CABLES1: variants seen among roughly 807,000 people sequenced by gnomAD.
CABLES1 encodes the protein CDK5 and ABL1 enzyme substrate 1.
CABLES1 carries 36 observed loss-of-function variants against 57.8 expected under a neutral mutation model. The observed-to-expected ratio is 0.62, with a 90% confidence interval of 0.48 to 0.82. The LOEUF is 0.82. Among genes scored for constraint, CABLES1 ranks in the 40% least tolerant of loss-of-function variants. The pLI is 0.00. For missense variants in CABLES1, 767 were observed against 836.6 expected (o/e 0.92, Z 1.03); for synonymous variants, 374 against 363.0 (o/e 1.03, Z -0.35).
chr18:23,237,669 CAG>C (rs1436707832), intron 7 of CABLES1, among the ~76,000 whole-genome samples: 2 of 152,256 alleles, frequency 1.3e-5, no homozygotes, highest in Admixed American at 1.3e-4. Flanking sequence ...CTGGGGATGA[CAG>C]AATTCTCTCC....
At chr18:23,252,758 T>C (rs2289014) in intron 7 of CABLES1, among the ~76,000 whole-genome samples, 1 of 152,180 alleles carries the variant, frequency 6.6e-6, no homozygotes, top group Non-Finnish European at 1.5e-5. Context: ...ATCCTAATAG[T>C]GGTGACTTGT....
Position 23,135,972 on chromosome 18 carries a change from C to G in CABLES1, c.210C>G (p.Thr70=). The G allele has an allele frequency of 8.8e-7, 1 of 1,140,336 alleles. No homozygotes were observed. The allele number at this position is 1,140,336 out of a possible 1,614,324, so 70.6% of individuals were successfully genotyped here. A position where few individuals can be genotyped will look rare whatever the true frequency, so the allele number is the denominator to read the frequency against. ...RRRQAALSFL[T]NISLDGRLPP... is the part of the protein sequence containing the mutation. ...GCCAGGCTGCCCTCTCCTTCCTCAC[C>G]AACATCTCGCTGGACGGCCGGCTGC... is the stretch of plus-strand genomic sequence containing the variant. The change falls in exon 1 of 10, where the codon ACC becomes ACG. Residue 70 remains threonine (T), a synonymous_variant. Transcript: ENST00000256925.
At chr18:23,153,435 T>TA (rs1479607067) in intron 1 of CABLES1, among the ~76,000 whole-genome samples, 3 of 151,564 alleles carry the variant, frequency 2.0e-5, no homozygotes, top group African/African-American at 4.8e-5. Flanking sequence ...CACAACAATT[T>TA]AAAAAAAATA....
chr18:23,144,933 T>C (rs2046882060), intron 1 of CABLES1, among the ~76,000 whole-genome samples: 1 of 149,608 alleles, frequency 6.7e-6, no homozygotes, highest in Non-Finnish European at 1.5e-5. Flanking sequence ...TTTTTTTTTT[T>C]CTTTCTTTTT....
intron 5 of CABLES1, among the ~76,000 whole-genome samples, chr18:23,235,125 G>A (rs915404353): frequency 3.9e-5 from 6 of 152,174 alleles, no homozygotes; most frequent in African/African-American, 7.2e-5. Flanking sequence ...AGAGCCCCAG[G>A]GCGGTCACAT....
chr18:23,204,974 A>G (rs546043953), intron 3 of CABLES1, among the ~76,000 whole-genome samples: 12 of 152,204 alleles, frequency 7.9e-5, no homozygotes, highest in Non-Finnish European at 1.6e-4. Flanking sequence ...CCCTATCGGC[A>G]GTTCTGTTTT....
chr18:23,254,932 T>G (rs908523735), intron 9 of CABLES1, among the ~76,000 whole-genome samples: 1 of 152,164 alleles, frequency 6.6e-6, no homozygotes, highest in Admixed American at 6.6e-5. Context: ...GGGCTGTGTA[T>G]GGAAGCCCTG....
intron 1 of CABLES1, among the ~76,000 whole-genome samples, chr18:23,166,333 G>A (rs2047042474): frequency 6.6e-6 from 1 of 151,810 alleles, no homozygotes; most frequent in Non-Finnish European, 1.5e-5. Context: ...CTCCCAAGTA[G>A]CTGGGACTAC....
chr18:23,200,899 C>T (rs912101878), intron 3 of CABLES1, among the ~76,000 whole-genome samples: 28 of 152,144 alleles, frequency 1.8e-4, no homozygotes, highest in Non-Finnish European at 3.7e-4. Context: ...AGCCTGAGGG[C>T]GAGTTTGAAT....
intron 1 of CABLES1, among the ~76,000 whole-genome samples, chr18:23,141,780 T>C (rs1176712287): frequency 2.6e-5 from 4 of 152,224 alleles, no homozygotes; most frequent in African/African-American, 9.6e-5. Context: ...TTTTGCTCTC[T>C]GAATGGGTGG....
intron 7 of CABLES1, among the ~76,000 whole-genome samples, chr18:23,238,814 C>T (rs548954975): frequency 1.3e-4 from 20 of 152,306 alleles, no homozygotes; most frequent in Non-Finnish European, 2.4e-4. Flanking sequence ...GCTCCTGGCT[C>T]GAGGCTGTTT....
intron 7 of CABLES1, among the ~76,000 whole-genome samples, chr18:23,241,039 A>G (rs547334822): frequency 6.6e-6 from 1 of 152,096 alleles, no homozygotes; most frequent in African/African-American, 2.4e-5. Flanking sequence ...TCCCCATCCC[A>G]TTCTTCCCAT....
At chr18:23,219,133 G>A (rs2145060675) in intron 4 of CABLES1, 2 of 453,374 alleles carry the variant, frequency 4.4e-6, no homozygotes, top group Non-Finnish European at 8.8e-6. Flanking sequence ...TCACTCACCT[G>A]CAGCCTGGTG....
chr18:23,240,240 G>A (rs1024679764), intron 7 of CABLES1, among the ~76,000 whole-genome samples: 2 of 152,220 alleles, frequency 1.3e-5, no homozygotes, highest in Non-Finnish European at 2.9e-5. Flanking sequence ...AGGGCTGAGA[G>A]TGGTTGGCCC....
At chr18:23,175,770 C>G (rs1289017316) in intron 1 of CABLES1, among the ~76,000 whole-genome samples, 5 of 152,152 alleles carry the variant, frequency 3.3e-5, no homozygotes. Flanking sequence ...TAAGGTACAC[C>G]CTTGTTCCTC....
intron 1 of CABLES1, among the ~76,000 whole-genome samples, chr18:23,157,137 C>T (rs1479103046): frequency 6.6e-6 from 1 of 152,088 alleles, no homozygotes; most frequent in Non-Finnish European, 1.5e-5. Flanking sequence ...CACCTGTAAT[C>T]CCAGCACTCT....
chr18:23,169,971 G>A (rs2047070926), intron 1 of CABLES1, among the ~76,000 whole-genome samples: 2 of 152,188 alleles, frequency 1.3e-5, no homozygotes, highest in South Asian at 4.1e-4. Flanking sequence ...GGTGGGAGCT[G>A]TAGCCGCGTG....
At chr18:23,151,305 A>T (rs1242126736) in intron 1 of CABLES1, among the ~76,000 whole-genome samples, 1 of 151,618 alleles carries the variant, frequency 6.6e-6, no homozygotes. Flanking sequence ...TGCGTGAGCC[A>T]CTGTGCCGGG....
intron 1 of CABLES1, among the ~76,000 whole-genome samples, chr18:23,169,669 A>G (rs1033203998): frequency 2.6e-5 from 4 of 152,230 alleles, no homozygotes; most frequent in African/African-American, 9.6e-5. Context: ...TCATTTGAAA[A>G]TAAACTTTGA....
Sources: gnomAD v4.1 joint callset for allele counts (sites outside exome capture counted in the v4.1 genomes callset) on GRCh38, gnomAD v4.1.1 for gene constraint, MANE v1.5 for transcripts, NCBI Gene and HGNC (gene_info 2026-07-23, HGNC 2026-07-21) for gene names.